KCNQ1OT1: variants seen among roughly 807,000 people sequenced by gnomAD.
The protein encoded by KCNQ1OT1 is KCNQ1 antisense RNA 2 (non-protein coding).
chr11:2,620,962 G>GT lies in KCNQ1OT1; in HGVS notation n.79032dup, dbSNP rs1849161601. ...TGTTTTGTTTTGTTTTTTTTTGTCT[G>GT]TTTTTTGCTTTTTTGTTTGTTTGTT... is the stretch of plus-strand genomic sequence containing the variant. On this transcript the variant is annotated non_coding_transcript_exon_variant, in exon 1 of 1. Coordinates refer to ENST00000597346, the Ensembl canonical transcript of KCNQ1OT1. The surrounding 1 kb of genome is among the most constrained non-coding windows in gnomAD (Gnocchi z 4.5). The GT allele has an allele frequency of 2.7e-6, 1 of 371,664 alleles. No individual in the cohort carries two copies. The highest frequency in any genetic ancestry group is 4.7e-6 in the Non-Finnish European group (1 of 213,310). 23.0% of individuals were successfully genotyped at this position (371,664 alleles called of 1,614,324 possible).
rs188692212 is a variant in KCNQ1OT1 at position 2,696,072 on chromosome 11, G to A, written n.3923C>T. 235 of 398,576 alleles carry A rather than the reference G, an allele frequency of 5.9e-4. No homozygotes were observed. The highest frequency in any genetic ancestry group is 2.5e-3 in the Middle Eastern group (4 of 1,588). 24.7% of individuals were successfully genotyped at this position (398,576 alleles called of 1,614,324 possible). ...TATTATGAAAACAGTCTTGACCCTT[G>A]CCATGATGGATTTATTTAACAGAAA... On this transcript the variant is annotated non_coding_transcript_exon_variant, in exon 1 of 1. Transcript: ENST00000597346.
exon 1 of KCNQ1OT1, chr11:2,614,935 C>G: frequency 2.5e-6 from 1 of 398,366 alleles, no homozygotes. Context: ...AATAAAAAGG[C>G]CCTTGGGATT....
At chr11:2,641,043 A>G (rs1849568787) in exon 1 of KCNQ1OT1, 3 of 398,102 alleles carry the variant, frequency 7.5e-6, no homozygotes, top group Non-Finnish European at 1.3e-5. Context: ...TATTTACCTC[A>G]TTTTCTTTTT....
exon 1 of KCNQ1OT1, chr11:2,694,930 G>A (rs899873836): frequency 7.5e-6 from 3 of 398,610 alleles, no homozygotes; most frequent in African/African-American, 2.1e-5. Flanking sequence ...CAGAGGTGGT[G>A]AAGGCCTTGG....
In KCNQ1OT1 at chr11:2,621,660, T is replaced by C. The variant is rs533216871; in HGVS notation, n.78335A>G. 18 of 398,532 alleles carry C rather than the reference T, an allele frequency of 4.5e-5. No individual in the cohort carries two copies. The highest frequency in any genetic ancestry group is 7.5e-5 in the Non-Finnish European group (17 of 226,018). The allele number at this position is 398,532 out of a possible 1,614,324, so 24.7% of individuals were successfully genotyped here. On this transcript the variant is annotated non_coding_transcript_exon_variant, in exon 1 of 1. Transcript: ENST00000597346. The surrounding 1 kb of genome is among the most constrained non-coding windows in gnomAD (Gnocchi z 5.7). Reference sequence around the variant, plus strand: ...GTCCATTTCCTCTAGGTTATCCAATTTGTTGGGATATAATTGTTCATAAAA... The same window carrying C: ...GTCCATTTCCTCTAGGTTATCCAATCTGTTGGGATATAATTGTTCATAAAA...
rs528455682 is a variant in KCNQ1OT1 at position 2,664,246 on chromosome 11, A to C, written n.35749T>G. On this transcript the variant is annotated non_coding_transcript_exon_variant, in exon 1 of 1. Transcript: ENST00000597346. The surrounding 1 kb of genome is among the most constrained non-coding windows in gnomAD (Gnocchi z 5.1). Reference sequence around the variant, plus strand: ...TTGGGGTGAGGGATCTGAAGAGGGGACTGGGAGAGGGAAAAACAAGGAGGT... The same window carrying C: ...TTGGGGTGAGGGATCTGAAGAGGGGCCTGGGAGAGGGAAAAACAAGGAGGT... The C allele has an allele frequency of 2.5e-6, 1 of 399,002 alleles. No individual in the cohort carries two copies. The highest frequency in any genetic ancestry group is 4.4e-6 in the Non-Finnish European group (1 of 226,430). 24.7% of individuals were successfully genotyped at this position (399,002 alleles called of 1,614,324 possible).
chr11:2,696,598 C>T (rs2283193), exon 1 of KCNQ1OT1: 71,515 of 398,456 alleles, frequency 0.18, 7,060 homozygotes, highest in African/African-American at 0.29. Flanking sequence ...TACTCAAGCC[C>T]TCCAACTGGA....
exon 1 of KCNQ1OT1, chr11:2,630,880 T>C (rs185376542): frequency 5.0e-6 from 2 of 398,420 alleles, no homozygotes; most frequent in Non-Finnish European, 8.8e-6. Flanking sequence ...GTTTTTTATC[T>C]TTCAGAACTT....
Position 2,627,018 on chromosome 11 carries a change from T to G in KCNQ1OT1, n.72977A>C. 5.0e-6 allele frequency: 2 copies of G among 398,630 alleles called. No homozygotes were observed. The highest frequency in any genetic ancestry group is 8.8e-6 in the Non-Finnish European group (2 of 226,070). The allele number at this position is 398,630 out of a possible 1,614,324, so 24.7% of individuals were successfully genotyped here. On this transcript the variant is annotated non_coding_transcript_exon_variant, in exon 1 of 1. Coordinates refer to ENST00000597346, the Ensembl canonical transcript of KCNQ1OT1. The surrounding 1 kb of genome is among the most constrained non-coding windows in gnomAD (Gnocchi z 4.9). ...ATTTGTAGATTGTTTTGTGTGGTAC[T>G]GACACCTTAACAATATTGGCCTTCC...
exon 1 of KCNQ1OT1, chr11:2,631,881 T>A (rs1010231470): frequency 2.5e-5 from 10 of 398,108 alleles, no homozygotes; most frequent in African/African-American, 2.1e-4. Flanking sequence ...TTGTGATTAA[T>A]GTATAGAAAT....
rs1850265626 is a variant in KCNQ1OT1, at chr11:2,674,895, G to A, written n.25100C>T. The A allele has an allele frequency of 2.6e-6, 1 of 383,888 alleles. No homozygotes were observed. The highest frequency in any genetic ancestry group is 4.5e-6 in the Non-Finnish European group (1 of 221,368). 23.8% of individuals were successfully genotyped at this position (383,888 alleles called of 1,614,324 possible). A position where few individuals can be genotyped will look rare whatever the true frequency, so the allele number is the denominator to read the frequency against. Reference sequence around the variant, plus strand: ...GCACCTTGGCTGCAGGGTCTGAAAAGTCCTTTGTGTTAGCTCCAGCTGCAG... The same window carrying A: ...GCACCTTGGCTGCAGGGTCTGAAAAATCCTTTGTGTTAGCTCCAGCTGCAG... On this transcript the variant is annotated non_coding_transcript_exon_variant, in exon 1 of 1. Coordinates refer to ENST00000597346, the Ensembl canonical transcript of KCNQ1OT1. This position sits in a 1 kb window ranked among gnomAD's most constrained non-coding sequence, Gnocchi z 5.9.
At chr11:2,631,727 G>A (rs1039813688) in exon 1 of KCNQ1OT1, 3 of 398,432 alleles carry the variant, frequency 7.5e-6, no homozygotes, top group Non-Finnish European at 1.3e-5. Context: ...GCCCAGATGA[G>A]GATATAATGG....
exon 1 of KCNQ1OT1, chr11:2,693,488 G>C (rs993032667): frequency 7.5e-6 from 3 of 398,580 alleles, no homozygotes; most frequent in Non-Finnish European, 1.3e-5. Flanking sequence ...ATTAGCAGGA[G>C]AAAGGCCTTT....
exon 1 of KCNQ1OT1, chr11:2,665,431 C>A (rs1473582385): frequency 5.0e-6 from 2 of 397,732 alleles, no homozygotes; most frequent in Non-Finnish European, 8.9e-6. Flanking sequence ...CACTCACTAT[C>A]CTCTGCTCAC....
At chr11:2,696,590 C>T (rs1027392837) in exon 1 of KCNQ1OT1, 5 of 398,530 alleles carry the variant, frequency 1.3e-5, no homozygotes, top group African/African-American at 2.1e-5. Context: ...TGTTAAATTA[C>T]TCAAGCCCTC....
chr11:2,647,307 G>C lies in KCNQ1OT1; in HGVS notation n.52688C>G. The C allele has an allele frequency of 2.5e-6, 1 of 398,392 alleles. No homozygotes were observed. Among genetic ancestry groups the C allele is most frequent in the Non-Finnish European group, 4.4e-6 (1 of 226,034 alleles). 24.7% of individuals were successfully genotyped at this position (398,392 alleles called of 1,614,324 possible). On this transcript the variant is annotated non_coding_transcript_exon_variant, in exon 1 of 1. Transcript: ENST00000597346. This position sits in a 1 kb window ranked among gnomAD's most constrained non-coding sequence, Gnocchi z 4.0. ...GATTTGTATATGTTGAACCATCCTTGAATCCCTGGGATAAATCCCACTTGA... is the reference window on the plus strand; with the variant it reads ...GATTTGTATATGTTGAACCATCCTTCAATCCCTGGGATAAATCCCACTTGA...
chr11:2,682,941 G>A lies in KCNQ1OT1; in HGVS notation n.17054C>T. Reference sequence around the variant, plus strand: ...GAGAGGTGCTCAGGTCTGTGTGGAAGAAAGGACAGGAGTCCTTCTGCCACC... The same window carrying A: ...GAGAGGTGCTCAGGTCTGTGTGGAAAAAAGGACAGGAGTCCTTCTGCCACC... On this transcript the variant is annotated non_coding_transcript_exon_variant, in exon 1 of 1. Transcript: ENST00000597346. This position sits in a 1 kb window ranked among gnomAD's most constrained non-coding sequence, Gnocchi z 5.8. 2 of 398,606 alleles carry A rather than the reference G, an allele frequency of 5.0e-6. No individual in the cohort carries two copies. The highest frequency in any genetic ancestry group is 8.8e-6 in the Non-Finnish European group (2 of 226,070). 24.7% of individuals were successfully genotyped at this position (398,606 alleles called of 1,614,324 possible). A position where few individuals can be genotyped will look rare whatever the true frequency, so the allele number is the denominator to read the frequency against.
chr11:2,659,625 G>T lies in KCNQ1OT1; in HGVS notation n.40370C>A. 1 of 398,516 alleles carries T rather than the reference G, an allele frequency of 2.5e-6. No individual in the cohort carries two copies. Among genetic ancestry groups the T allele is most frequent in the Non-Finnish European group, 4.4e-6 (1 of 226,022 alleles). 24.7% of individuals were successfully genotyped at this position (398,516 alleles called of 1,614,324 possible). ...AATTCACTTGGGTGGGAAAGGAACCGATAGGTCATGTGGTATGTGTATGTT... is the reference window on the plus strand; with the variant it reads ...AATTCACTTGGGTGGGAAAGGAACCTATAGGTCATGTGGTATGTGTATGTT... On this transcript the variant is annotated non_coding_transcript_exon_variant, in exon 1 of 1. Coordinates refer to ENST00000597346, the Ensembl canonical transcript of KCNQ1OT1. The surrounding 1 kb of genome is among the most constrained non-coding windows in gnomAD (Gnocchi z 4.3).
At chr11:2,649,484 C>A (rs965938247) in exon 1 of KCNQ1OT1, 1 of 398,522 alleles carries the variant, frequency 2.5e-6, no homozygotes, top group Admixed American at 4.4e-5. Context: ...GTAATGAATT[C>A]CCTCAGTTTT....
Sources: allele counts gnomAD v4.1 joint callset, GRCh38; gene constraint gnomAD v4.1.1; non-coding constraint Gnocchi (gnomAD v3.1); transcripts MANE v1.5; gene names NCBI Gene and HGNC (gene_info 2026-07-23, HGNC 2026-07-21).